Variants in HSD17B14 observed in about 807,000 individuals in gnomAD.
HSD17B14 encodes the protein hydroxysteroid 17-beta dehydrogenase 14, also known as L-fucose dehydrogenase.
HSD17B14 carries 32 observed loss-of-function variants against 32.2 expected under a neutral mutation model. The ratio of observed to expected loss-of-function variants is 0.99; its 90% CI spans 0.75 to 1.33. The LOEUF is 1.33. Ranked by LOEUF, HSD17B14 falls within the 40% of genes most tolerant of loss-of-function variation. The probability of loss-of-function intolerance (pLI) is 0.00; values close to 1 mark genes in which losing one functional copy is unlikely to be tolerated. For missense variants in HSD17B14, 370 were observed against 366.5 expected (o/e 1.01, Z -0.08); for synonymous variants, 140 against 155.4 (o/e 0.90, Z 0.74).
chr19:48,824,557 T>C (rs2035212160), intron 5 of HSD17B14, among the ~76,000 whole-genome samples: 1 of 150,768 alleles, frequency 6.6e-6, no homozygotes, highest in Non-Finnish European at 1.5e-5. Flanking sequence ...GATCACGAGG[T>C]CAGGAGATTG....
chr19:48,813,285 C>T lies in HSD17B14; in HGVS notation c.703G>A (p.Ala235Thr). The T allele has an allele frequency of 6.2e-7, 1 of 1,603,506 alleles. No individual in the cohort carries two copies. Among genetic ancestry groups the T allele is most frequent in the Admixed American group, 1.7e-5 (1 of 58,330 alleles). The change falls in exon 9 of 9, where the codon GCC becomes ACC. Residue 235 changes from alanine to threonine, a missense_variant. Coordinates refer to ENST00000263278, the MANE Select transcript of HSD17B14 (RefSeq NM_016246.3). ...GAAAVFLASE[A>T]NFCTGIELLV... ...AGTTCAATGCCCGTGCAGAAGTTGG[C>T]TTCGGAGGCCAGGAACACTGCCGCA...
chr19:48,815,990 G>A (rs1235714188), intron 5 of HSD17B14, among the ~76,000 whole-genome samples: 1 of 142,894 alleles, frequency 7.0e-6, no homozygotes, highest in Non-Finnish European at 1.5e-5. Context: ...TACTGCACTC[G>A]AGCCTGGGCA....
rs201848728 is a variant in HSD17B14 at position 48,831,678 on chromosome 19, G to C, written c.359C>G (p.Thr120Ser). 3.1e-6 allele frequency: 5 copies of C among 1,613,730 alleles called. No homozygotes were observed. In the East Asian group the frequency reaches 1.1e-4, roughly 36 times the overall value. Reference sequence around the variant, plus strand: ...GTCGCCAGCCCTCACCTTGGTCAAGGTGTACGTCCCCAGTAGGTTCAGCTC... The same window carrying C: ...GTCGCCAGCCCTCACCTTGGTCAAGCTGTACGTCCCCAGTAGGTTCAGCTC... ...LLELNLLGTY[T>S]LTKLALPYLR... is the part of the protein sequence containing the mutation. The change falls in exon 5 of 9, where the codon ACC becomes AGC. Residue 120 changes from threonine (T) to serine (S), a missense_variant. Thr to Ser is a moderately conservative substitution (Grantham distance 58). Coordinates refer to ENST00000263278, the MANE Select transcript of HSD17B14 (RefSeq NM_016246.3).
At chr19:48,834,249 G>C in intron 3 of HSD17B14, 27 bp downstream of exon 3, 1 of 1,572,918 alleles carries the variant, frequency 6.4e-7, no homozygotes, top group Non-Finnish European at 8.7e-7. Context: ...TAGCGGAGAT[G>C]GGGGTAGGAA....
Position 48,835,836 on chromosome 19 carries a change from G to T in HSD17B14, c.96C>A (p.Ser32Arg). 5 of 1,613,542 alleles carry T rather than the reference G, an allele frequency of 3.1e-6. No homozygotes were observed. Among genetic ancestry groups the T allele is most frequent in the Middle Eastern group, 1.7e-4 (1 of 6,058 alleles). Residue 32 changes from serine to arginine, a missense_variant, in exon 2 of 9, where the codon AGC becomes AGA. Ser to Arg is a moderately radical substitution (Grantham distance 110). Coordinates refer to ENST00000263278, the MANE Select transcript of HSD17B14 (RefSeq NM_016246.3). ...TGTCGCAGATAACCACTCGGGCCCC[G>T]CTGTTCACTGAGAATAGGAAGGGAA... The part of the protein sequence containing the change: ...GAGIVRAFVN[S>R]GARVVICDKD...
intron 5 of HSD17B14, among the ~76,000 whole-genome samples, chr19:48,825,237 C>CAAAAAA (rs60266504): frequency 3.4e-5 from 3 of 89,076 alleles, no homozygotes; most frequent in Non-Finnish European, 4.4e-5. Flanking sequence ...GACTCCGTCG[C>CAAAAAA]AAAAAAAAAA....
At position 48,832,671 on chromosome 19, in the gene HSD17B14, C is replaced by T; in HGVS notation, c.272G>A (p.Gly91Asp). ...CCTGGGGTCTCACAACTCACGGTGGCCAGCGTTGTTGACAACACAATCCAG... is the reference window on the plus strand; with the variant it reads ...CCTGGGGTCTCACAACTCACGGTGGTCAGCGTTGTTGACAACACAATCCAG... ...GRLDCVVNNA[G>D]HHPPPQRPEE... Residue 91 changes from glycine to aspartate, a missense_variant, in exon 4 of 9, where the codon GGC becomes GAC. Transcript: ENST00000263278. 6.2e-7 allele frequency: 1 copy of T among 1,612,982 alleles called. No homozygotes were observed. The highest frequency in any genetic ancestry group is 8.5e-7 in the Non-Finnish European group (1 of 1,179,734).
chr19:48,827,453 G>A (rs572307228), intron 5 of HSD17B14, among the ~76,000 whole-genome samples: 73 of 152,216 alleles, frequency 4.8e-4, no homozygotes, highest in African/African-American at 1.7e-3. Flanking sequence ...AGTGCTATGC[G>A]GAGAATAAAG....
rs900612168 is a variant in HSD17B14 at position 48,832,244 on chromosome 19, T to C, written c.277+422A>G. 1.7e-4 allele frequency among the ~76,000 whole-genome samples: 25 copies of C among 150,964 alleles called. 3 individuals are homozygous for C. The highest frequency in any genetic ancestry group is 1.1e-3 in the Admixed American group (17 of 15,122). ...AAATATAAAAATTAGCCTGGCGTGC[T>C]GGTGGGCGCCTGTAATCCCAGCTAC... On this transcript the variant is annotated intron_variant, in intron 4 of 8. Transcript: ENST00000263278.
intron 5 of HSD17B14, among the ~76,000 whole-genome samples, chr19:48,825,401 T>C (rs2122773235): frequency 6.6e-6 from 1 of 152,022 alleles, no homozygotes; most frequent in African/African-American, 2.4e-5. Flanking sequence ...AGCCTCAACC[T>C]CCTGGGCTCA....
Position 48,835,831 on chromosome 19 carries a change from GC to G in HSD17B14, c.100del (p.Ala34ProfsTer30). ...GIVRAFVNSGARVVICDKDES... is the reference protein window; with the variant it reads ...GIVRAFVNSGXRVVICDKDES... ...ATCCTTGTCGCAGATAACCACTCGG[GC>G]CCCGCTGTTCACTGAGAATAGGAAG... is the stretch of plus-strand genomic sequence containing the variant. On this transcript the variant is annotated frameshift_variant, in exon 2 of 9. Transcript: ENST00000263278. LOFTEE classifies it high-confidence loss of function. 1.9e-6 allele frequency: 3 copies of G among 1,613,564 alleles called. No homozygotes were observed. Among genetic ancestry groups the G allele is most frequent in the Non-Finnish European group, 2.5e-6 (3 of 1,179,698 alleles).
chr19:48,824,703 T>C (rs534080386), intron 5 of HSD17B14, among the ~76,000 whole-genome samples: 3 of 150,792 alleles, frequency 2.0e-5, no homozygotes, highest in East Asian at 3.9e-4. Context: ...GAGGCAGAGA[T>C]TGCAGTGAGC....
intron 5 of HSD17B14, among the ~76,000 whole-genome samples, chr19:48,819,357 C>CAGG (rs774991387): frequency 6.6e-6 from 1 of 152,146 alleles, no homozygotes; most frequent in Non-Finnish European, 1.5e-5. Context: ...GTCCCTCATA[C>CAGG]CTACAGGAGC....
At chr19:48,816,579 T>C (rs2035054521) in intron 5 of HSD17B14, among the ~76,000 whole-genome samples, 1 of 152,148 alleles carries the variant, frequency 6.6e-6, no homozygotes, top group East Asian at 1.9e-4. Context: ...GGGACTTTCC[T>C]GGGTAAACAC....
At position 48,815,201 on chromosome 19, in the gene HSD17B14, A is replaced by ACACAGC. The variant is rs1238605386; in HGVS notation, c.370-66_370-61dup. 20 of 1,270,058 alleles carry ACACAGC rather than the reference A, an allele frequency of 1.6e-5. No homozygotes were observed. The Admixed American group carries it at 3.4e-4, about 22-fold the overall frequency. The allele number at this position is 1,270,058 out of a possible 1,614,324, so 78.7% of individuals were successfully genotyped here. On this transcript the variant is annotated intron_variant, in intron 5 of 8. Coordinates refer to ENST00000263278, the MANE Select transcript of HSD17B14 (RefSeq NM_016246.3). Reference sequence around the variant, plus strand: ...CCCTGCATCTTCGCAGACCACTGAAACACAGCCACAGCCATCCTGATGTCT... The same window carrying ACACAGC: ...CCCTGCATCTTCGCAGACCACTGAAACACAGCCACAGCCACAGCCATCCTGATGTCT...
intron 3 of HSD17B14, among the ~76,000 whole-genome samples, chr19:48,833,209 G>A (rs1456408412): frequency 1.3e-5 from 2 of 151,058 alleles, no homozygotes; most frequent in East Asian, 2.0e-4. Context: ...AGGCAAGCAG[G>A]AGACAGGAAG....
At chr19:48,831,534 CAGAG>C (rs1407321951) in intron 5 of HSD17B14, 130 bp downstream of exon 5, 2 of 724,130 alleles carry the variant, frequency 2.8e-6, no homozygotes, top group African/African-American at 1.7e-5. Context: ...GCCTGGGCGA[CAGAG>C]AGAGACCCTG....
intron 3 of HSD17B14, among the ~76,000 whole-genome samples, chr19:48,833,224 C>T (rs2035376559): frequency 6.7e-6 from 1 of 150,352 alleles, no homozygotes; most frequent in African/African-American, 2.4e-5. Context: ...AGGAAGGAGA[C>T]AGGGGGCTGG....
In HSD17B14 at chr19:48,814,067, C is replaced by T. The variant is rs143822698; in HGVS notation, c.475-337G>A. On this transcript the variant is annotated intron_variant, in intron 6 of 8. Coordinates refer to ENST00000263278, the MANE Select transcript of HSD17B14 (RefSeq NM_016246.3). ...AAAATTAACCGGACATGGTGGTGCA[C>T]GCCTGTAATCCCAGCTACTGGGGAG... Among the ~76,000 whole-genome samples the T allele has an allele frequency of 2.2e-3, 329 of 151,878 alleles. 2 individuals carry two copies. The highest frequency in any genetic ancestry group is 7.7e-3 in the African/African-American group (317 of 41,426).
Sources: allele counts gnomAD v4.1 joint callset (sites outside exome capture counted in the v4.1 genomes callset), GRCh38; gene constraint gnomAD v4.1.1; transcripts MANE v1.5; gene names NCBI Gene and HGNC (gene_info 2026-07-23, HGNC 2026-07-21).